PPM1H: variants seen among roughly 807,000 people sequenced by gnomAD.
PPM1H encodes the protein protein phosphatase, Mg2+/Mn2+ dependent 1H, also known as protein phosphatase 1H.
In PPM1H, 27 loss-of-function variants were observed where a neutral mutation model predicts 54.9. The observed-to-expected ratio is 0.49, with a 90% CI of 0.36 to 0.68. The LOEUF (loss-of-function observed/expected upper bound fraction) is 0.68. Among genes scored for constraint, PPM1H ranks in the 30% least tolerant of loss-of-function variants. The pLI is 0.00. For missense variants in PPM1H, 596 were observed against 667.8 expected (o/e 0.89, Z 1.19); for synonymous variants, 305 against 270.8 (o/e 1.13, Z -1.24).
intron 8 of PPM1H, among the ~76,000 whole-genome samples, chr12:62,672,172 T>C (rs2075960154): frequency 1.3e-5 from 2 of 152,190 alleles, no homozygotes; most frequent in East Asian, 3.8e-4. Context: ...CAGCATCTGA[T>C]CTACCCTGGA....
intron 6 of PPM1H, among the ~76,000 whole-genome samples, chr12:62,714,836 G>A (rs1055726130): frequency 2.4e-4 from 37 of 152,210 alleles, no homozygotes; most frequent in African/African-American, 8.9e-4. Context: ...CCATCTGGAA[G>A]CAATCTAGCA....
intron 1 of PPM1H, among the ~76,000 whole-genome samples, chr12:62,887,987 C>A (rs1236010186): frequency 1.3e-5 from 2 of 152,118 alleles, no homozygotes; most frequent in African/African-American, 4.8e-5. Context: ...GAAGGGCATG[C>A]AAGCATGAGC....
In PPM1H at chr12:62,674,896, C is replaced by T. The variant is rs114610023; in HGVS notation, c.1246-7567G>A. On this transcript the variant is annotated intron_variant, in intron 8 of 9. Coordinates refer to ENST00000228705, the MANE Select transcript of PPM1H (RefSeq NM_020700.2). The stretch of plus-strand genomic sequence containing the variant: ...TGGGGAGGGTGAGGCTGGACTTCTC[C>T]AATCTCCCCTGTCTCTGTTTGTGAA... Among the ~76,000 whole-genome samples, 1,350 of 152,262 alleles carry T rather than the reference C, an allele frequency of 8.9e-3. 22 individuals carry two copies. The highest frequency in any genetic ancestry group is 0.031 in the African/African-American group (1,288 of 41,558).
intron 1 of PPM1H, among the ~76,000 whole-genome samples, chr12:62,859,490 T>C (rs1166319991): frequency 6.6e-6 from 1 of 152,210 alleles, no homozygotes; most frequent in African/African-American, 2.4e-5. Flanking sequence ...GGAAGTTAAC[T>C]GTCTCAGCAA....
rs531995334 is a variant in PPM1H at position 62,862,655 on chromosome 12, C to T, written c.246-30376G>A. ...AGATATGTACAGACATCTATCTTCT[C>T]TGATGAAACAAACCTAGAAGTAGCA... On this transcript the variant is annotated intron_variant, in intron 1 of 9. Coordinates refer to ENST00000228705, the MANE Select transcript of PPM1H (RefSeq NM_020700.2). Among the ~76,000 whole-genome samples, 4 of 152,292 alleles carry T rather than the reference C, an allele frequency of 2.6e-5. No individual in the cohort carries two copies. The South Asian group carries it at 8.3e-4, about 32-fold the overall frequency.
intron 1 of PPM1H, among the ~76,000 whole-genome samples, chr12:62,873,752 A>C (rs1870068184): frequency 6.6e-6 from 1 of 152,248 alleles, no homozygotes; most frequent in South Asian, 2.1e-4. Flanking sequence ...GGACGGGAAT[A>C]AATAAAAACG....
intron 1 of PPM1H, among the ~76,000 whole-genome samples, chr12:62,875,483 A>G (rs1870128518): frequency 6.6e-6 from 1 of 152,214 alleles, no homozygotes; most frequent in African/African-American, 2.4e-5. Context: ...AAACCCAAAG[A>G]CAAGAATGAA....
At chr12:62,788,802 T>A (rs1412257009) in intron 3 of PPM1H, among the ~76,000 whole-genome samples, 1 of 152,108 alleles carries the variant, frequency 6.6e-6, no homozygotes, top group Non-Finnish European at 1.5e-5. Flanking sequence ...CTTGGCTCAC[T>A]GCAACCTGTG....
chr12:62,749,286 G>A (rs1034022991), intron 4 of PPM1H, among the ~76,000 whole-genome samples: 2 of 152,180 alleles, frequency 1.3e-5, no homozygotes, highest in Admixed American at 6.5e-5. Context: ...AAAGTGATTC[G>A]AAACGCAACA....
intron 4 of PPM1H, among the ~76,000 whole-genome samples, chr12:62,742,291 G>A (rs778191560): frequency 6.6e-6 from 1 of 152,160 alleles, no homozygotes; most frequent in Non-Finnish European, 1.5e-5. Context: ...CTTCCTTTAA[G>A]AGGCATCCAT....
intron 9 of PPM1H, among the ~76,000 whole-genome samples, chr12:62,649,770 T>C (rs10735911): frequency 0.64 from 97,821 of 152,096 alleles, 31,714 homozygotes; most frequent in Middle Eastern, 0.77. Flanking sequence ...TTATATTTCT[T>C]TGCTTAAATG....
At chr12:62,831,689 G>A (rs17120377) in intron 2 of PPM1H, among the ~76,000 whole-genome samples, 13,886 of 148,408 alleles carry the variant, frequency 0.094, 684 homozygotes, top group Middle Eastern at 0.17. Context: ...CTTTGAAACC[G>A]TCAAACATTG....
At chr12:62,908,006 C>T (rs979556852) in intron 1 of PPM1H, among the ~76,000 whole-genome samples, 2 of 152,194 alleles carry the variant, frequency 1.3e-5, no homozygotes, top group Non-Finnish European at 2.9e-5. Context: ...TTAACATTCC[C>T]TTTATTTTAA....
At chr12:62,770,958 A>C (rs2076575543) in intron 4 of PPM1H, among the ~76,000 whole-genome samples, 1 of 151,744 alleles carries the variant, frequency 6.6e-6, no homozygotes. Context: ...CAGGCCCAGC[A>C]ATGCAGCTCT....
intron 1 of PPM1H, among the ~76,000 whole-genome samples, chr12:62,922,157 G>A (rs1182818188): frequency 6.6e-6 from 1 of 152,158 alleles, no homozygotes; most frequent in Non-Finnish European, 1.5e-5. Flanking sequence ...ATAATTTTAA[G>A]AGACTACTAT....
intron 4 of PPM1H, among the ~76,000 whole-genome samples, chr12:62,768,980 A>C (rs939604771): frequency 2.6e-5 from 4 of 152,180 alleles, no homozygotes; most frequent in African/African-American, 9.7e-5. Flanking sequence ...TTTGTTTTGC[A>C]CAGCTTATTG....
chr12:62,921,014 T>C (rs1019022120), intron 1 of PPM1H, among the ~76,000 whole-genome samples: 1 of 152,000 alleles, frequency 6.6e-6, no homozygotes, highest in Non-Finnish European at 1.5e-5. Flanking sequence ...AACCTCCACT[T>C]CCCGGGTTCA....
In PPM1H at chr12:62,702,544, C is replaced by CAGAGAGAGAGAGAGAG. The variant is rs66497730; in HGVS notation, c.1074-8561_1074-8546dup. Among the ~76,000 whole-genome samples the CAGAGAGAGAGAGAGAG allele has an allele frequency of 7.2e-3, 1,014 of 140,662 alleles. 10 individuals carry two copies. Among genetic ancestry groups the CAGAGAGAGAGAGAGAG allele is most frequent in the African/African-American group, 0.021 (756 of 36,276 alleles). 92.3% of individuals were successfully genotyped at this position (140,662 alleles called of 152,430 possible). On this transcript the variant is annotated intron_variant, in intron 6 of 9. Coordinates refer to ENST00000228705, the MANE Select transcript of PPM1H (RefSeq NM_020700.2). ...TCTTCTAAGTCATGACCTTGAGCTA[C>CAGAGAGAGAGAGAGAG]AGAGAGAGAGAGAGAGAGAGAGAGA...
rs2075775936 is a variant in PPM1H at position 62,644,773 on chromosome 12, C to T, written c.*3716G>A. ...CTGCAATTGTTAAGTCTTCAAAAAT[C>T]TGAGTTCCTCACATAAAATTCTGTG... On this transcript the variant is annotated 3_prime_UTR_variant, in exon 10 of 10. Transcript: ENST00000228705. The T allele has an allele frequency of 6.6e-6, 1 of 152,236 alleles. No individual in the cohort carries two copies. 9.4% of individuals were successfully genotyped at this position (152,236 alleles called of 1,614,324 possible).
Sources: allele counts gnomAD v4.1 joint callset (sites outside exome capture counted in the v4.1 genomes callset), GRCh38; gene constraint gnomAD v4.1.1; transcripts MANE v1.5; gene names NCBI Gene and HGNC (gene_info 2026-07-23, HGNC 2026-07-21).